The following DSCAML1 variants were observed in gnomAD, a reference collection of about 807,000 sequenced individuals.
DSCAML1 encodes the protein DS cell adhesion molecule like 1.
A neutral mutation model predicts 200.5 loss-of-function variants in DSCAML1; 38 were observed. The observed-to-expected ratio is 0.19, with a 90% CI of 0.15 to 0.25. The LOEUF is 0.25. Ranked by LOEUF, DSCAML1 falls within the 10% of genes least tolerant of loss-of-function variation. DSCAML1 has a pLI of 1.00. For synonymous variants in DSCAML1, 1,215 were observed against 1,165.0 expected, an observed-to-expected ratio of 1.04 and a Z score of -0.87; for missense variants, 2,223 against 2,858.8, an observed-to-expected ratio of 0.78 and a Z score of 5.07.
rs528540741 is a variant in DSCAML1 at position 117,612,267 on chromosome 11, G to A, written c.512-79745C>T. Among the ~76,000 whole-genome samples the A allele has an allele frequency of 2.6e-4, 40 of 152,230 alleles. No homozygotes were observed. In the South Asian group the frequency reaches 7.5e-3, roughly 28 times the overall value. On this transcript the variant is annotated intron_variant, in intron 3 of 32. Transcript: ENST00000651296. ...TGAGAGAGCCTCTTTCTTCCCCACC[G>A]CCTCCCTGTAGCCTGCCAACCTTCA...
intron 3 of DSCAML1, among the ~76,000 whole-genome samples, chr11:117,770,479 T>C: frequency 1.3e-5 from 2 of 151,844 alleles, no homozygotes; most frequent in South Asian, 2.1e-4. Context: ...GATTAGACAC[T>C]GGTAATGCCA....
intron 19 of DSCAML1, among the ~76,000 whole-genome samples, chr11:117,455,896 G>T (rs547802764): frequency 2.0e-4 from 31 of 152,286 alleles, no homozygotes; most frequent in East Asian, 1.4e-3. Flanking sequence ...TTCCCTCCTA[G>T]TCCTTGCAAT....
chr11:117,450,101 C>T (rs983910875), intron 20 of DSCAML1, among the ~76,000 whole-genome samples: 2 of 152,360 alleles, frequency 1.3e-5, no homozygotes, highest in African/African-American at 4.8e-5. Context: ...GTCTTTCCTC[C>T]TCCCTCAGCT....
intron 3 of DSCAML1, among the ~76,000 whole-genome samples, chr11:117,555,084 C>CT (rs1240121666): frequency 6.6e-6 from 1 of 152,174 alleles, no homozygotes; most frequent in African/African-American, 2.4e-5. Context: ...GAGCTGCTTC[C>CT]TTTTTTTGGC....
Position 117,444,015 on chromosome 11 carries a change from G to A in DSCAML1, c.3733C>T (p.Pro1245Ser). 2 of 1,613,444 alleles carry A rather than the reference G, an allele frequency of 1.2e-6. No individual in the cohort carries two copies. The highest frequency in any genetic ancestry group is 1.7e-6 in the Non-Finnish European group (2 of 1,179,606). Residue 1245 changes from proline to serine, a missense_variant, in exon 21 of 33, where the codon CCA becomes TCA. Physicochemically the swap from Pro to Ser is moderately conservative, Grantham distance 74. Coordinates refer to ENST00000651296, the MANE Select transcript of DSCAML1 (RefSeq NM_020693.4). ...GCGATCCGGTAGAAGAGCTGCTCTG[G>A]ACTCGTCTCGTACTCGCTGGGAGCC... is the stretch of plus-strand genomic sequence containing the variant. ...QPAPSEYETS[P>S]EQLFYRIAHL...
At chr11:117,675,707 C>A (rs778261969) in intron 3 of DSCAML1, among the ~76,000 whole-genome samples, 1 of 152,004 alleles carries the variant, frequency 6.6e-6, no homozygotes, top group East Asian at 1.9e-4. Flanking sequence ...CCTTTCCCCC[C>A]AGCAAAGGCC....
chr11:117,455,288 T>C (rs1263771408), intron 19 of DSCAML1, among the ~76,000 whole-genome samples: 1 of 152,230 alleles, frequency 6.6e-6, no homozygotes, highest in Non-Finnish European at 1.5e-5. Context: ...CCCTAGTACA[T>C]AACTTCCTCG....
intron 3 of DSCAML1, among the ~76,000 whole-genome samples, chr11:117,604,882 G>C (rs1003128221): frequency 2.0e-5 from 3 of 152,186 alleles, no homozygotes; most frequent in African/African-American, 7.2e-5. Flanking sequence ...CCTGCCATGG[G>C]GATGTGAGAC....
chr11:117,628,334 G>C (rs1282341418), intron 3 of DSCAML1, among the ~76,000 whole-genome samples: 1 of 152,160 alleles, frequency 6.6e-6, no homozygotes, highest in South Asian at 2.1e-4. Context: ...GGTGGGGAGC[G>C]GCTGATCCTC....
intron 3 of DSCAML1, chr11:117,709,594 T>G: frequency 1.4e-5 from 6 of 419,994 alleles, no homozygotes; most frequent in South Asian, 1.0e-4. Flanking sequence ...GATTTTTAAA[T>G]GGCTATTTAT....
At chr11:117,528,591 C>A (rs2050020533) in intron 4 of DSCAML1, among the ~76,000 whole-genome samples, 1 of 152,170 alleles carries the variant, frequency 6.6e-6, no homozygotes. Flanking sequence ...CCCCCATAGC[C>A]AGCTGAACAG....
intron 3 of DSCAML1, among the ~76,000 whole-genome samples, chr11:117,716,663 G>A (rs771910904): frequency 3.3e-5 from 5 of 152,182 alleles, no homozygotes; most frequent in African/African-American, 9.7e-5. Context: ...CTTCCTGTTT[G>A]TTACAACCTG....
intron 1 of DSCAML1, among the ~76,000 whole-genome samples, chr11:117,809,703 C>G (rs1183653031): frequency 6.6e-6 from 1 of 152,218 alleles, no homozygotes; most frequent in African/African-American, 2.4e-5. Context: ...AAACAGACCT[C>G]TGATTCTCAG....
At chr11:117,786,090 C>T (rs2134062571) in intron 1 of DSCAML1, among the ~76,000 whole-genome samples, 1 of 152,272 alleles carries the variant, frequency 6.6e-6, no homozygotes, top group East Asian at 1.9e-4. Flanking sequence ...CCAGCCACTC[C>T]CCGCAGCTCT....
intron 3 of DSCAML1, among the ~76,000 whole-genome samples, chr11:117,650,436 GC>G (rs1313868444): frequency 1.3e-5 from 2 of 152,158 alleles, no homozygotes; most frequent in Non-Finnish European, 2.9e-5. Flanking sequence ...ATGAATGAAT[GC>G]CCTGAAGAGA....
chr11:117,639,333 A>T (rs1224656034), intron 3 of DSCAML1, among the ~76,000 whole-genome samples: 1 of 40,760 alleles, frequency 2.5e-5, no homozygotes, highest in Admixed American at 3.6e-4. Flanking sequence ...GATGGATGGG[A>T]GGCTGGGTGG....
At chr11:117,467,666 T>G (rs1252980720) in intron 16 of DSCAML1, among the ~76,000 whole-genome samples, 4 of 152,214 alleles carry the variant, frequency 2.6e-5, no homozygotes, top group Non-Finnish European at 1.5e-5. Flanking sequence ...TTGTTGCTGC[T>G]TGAATGTTTC....
chr11:117,520,757 G>A (rs1216477362), intron 6 of DSCAML1, among the ~76,000 whole-genome samples: 2 of 152,056 alleles, frequency 1.3e-5, no homozygotes, highest in Admixed American at 1.3e-4. Flanking sequence ...AATTAGCCAG[G>A]TGAACAGAAT....
intron 3 of DSCAML1, among the ~76,000 whole-genome samples, chr11:117,641,942 A>G (rs1220791227): frequency 1.6e-4 from 24 of 152,152 alleles, no homozygotes. Context: ...ACCTCATGGT[A>G]CACACCTGGT....
Sources: gnomAD v4.1 joint callset for allele counts (sites outside exome capture counted in the v4.1 genomes callset) on GRCh38, gnomAD v4.1.1 for gene constraint, MANE v1.5 for transcripts, NCBI Gene and HGNC (gene_info 2026-07-23, HGNC 2026-07-21) for gene names.